Variants in GRAMD2B observed in about 807,000 individuals in gnomAD.
GRAMD2B encodes the protein GRAM domain-containing protein 2B.
GRAMD2B carries 41 observed loss-of-function variants against 59.2 expected under a neutral mutation model. The ratio of observed to expected loss-of-function variants is 0.69; its 90% CI spans 0.54 to 0.90. The LOEUF is 0.90. Among genes scored for constraint, GRAMD2B ranks in the 40% least tolerant of loss-of-function variants. The pLI, the probability that GRAMD2B is intolerant of heterozygous loss-of-function variation, is 0.00. For synonymous variants in GRAMD2B, 161 were observed against 182.7 expected, an observed-to-expected ratio of 0.88 and a Z score of 0.96; for missense variants, 424 against 500.5, an observed-to-expected ratio of 0.85 and a Z score of 1.46.
upstream of GRAMD2B, among the ~76,000 whole-genome samples, chr5:126,370,192 A>G (rs1038991902): frequency 1.3e-5 from 2 of 152,220 alleles, no homozygotes; most frequent in Non-Finnish European, 2.9e-5. Context: ...CAGCAGGAAA[A>G]TATTGTCCAA....
At chr5:126,418,844 T>G (rs895038617), upstream of GRAMD2B, among the ~76,000 whole-genome samples, 2 of 152,246 alleles carry the variant, frequency 1.3e-5, no homozygotes, top group African/African-American at 4.8e-5. Flanking sequence ...CCCTTTTTCC[T>G]ATTTTCTTCT....
At chr5:126,392,732 C>T (rs775305234) in intron 1 of GRAMD2B, among the ~76,000 whole-genome samples, 5 of 151,602 alleles carry the variant, frequency 3.3e-5, no homozygotes, top group Admixed American at 6.6e-5. Context: ...GCAGGGGGTG[C>T]GGGATGGGAA....
At position 126,493,236 on chromosome 5, in the gene GRAMD2B, A is replaced by C. The variant is rs1774243687; in HGVS notation, c.*280A>C. Reference sequence around the variant, plus strand: ...AGGTCTCAGGAAGGGCCCAGCGAACACACTCTCTTGGATAATTACCACGAT... The same window carrying C: ...AGGTCTCAGGAAGGGCCCAGCGAACCCACTCTCTTGGATAATTACCACGAT... On this transcript the variant is annotated 3_prime_UTR_variant, in exon 14 of 14. Coordinates refer to ENST00000285689, the MANE Select transcript of GRAMD2B (RefSeq NM_023927.4). 2.3e-6 allele frequency: 1 copy of C among 443,014 alleles called. No individual in the cohort carries two copies. The highest frequency in any genetic ancestry group is 3.0e-5 in the South Asian group (1 of 33,612). 27.4% of individuals were successfully genotyped at this position (443,014 alleles called of 1,614,324 possible).
intron 1 of GRAMD2B, among the ~76,000 whole-genome samples, chr5:126,406,905 A>C (rs1161017234): frequency 6.6e-6 from 1 of 152,028 alleles, no homozygotes; most frequent in African/African-American, 2.4e-5. Context: ...GTTTGAATAC[A>C]AATTCTGTTT....
At chr5:126,419,254 C>T (rs1759508342), upstream of GRAMD2B, among the ~76,000 whole-genome samples, 1 of 151,948 alleles carries the variant, frequency 6.6e-6, no homozygotes, top group Non-Finnish European at 1.5e-5. Flanking sequence ...AGGAAACTTA[C>T]AATCATAGTG....
intron 1 of GRAMD2B, among the ~76,000 whole-genome samples, chr5:126,415,756 T>C (rs1759214997): frequency 1.3e-5 from 2 of 152,070 alleles, no homozygotes; most frequent in East Asian, 1.9e-4. Context: ...AAATGAATAA[T>C]GCTACATAGA....
At chr5:126,384,555 T>C (rs897670012) in intron 1 of GRAMD2B, among the ~76,000 whole-genome samples, 1 of 152,206 alleles carries the variant, frequency 6.6e-6, no homozygotes, top group Non-Finnish European at 1.5e-5. Flanking sequence ...ATGCTCCTGT[T>C]TGGAGGGAAA....
intron 1 of GRAMD2B, chr5:126,462,423 C>G (rs1255976054): frequency 6.1e-6 from 6 of 985,236 alleles, no homozygotes; most frequent in Middle Eastern, 1.0e-3. Flanking sequence ...TTTCAGTCTG[C>G]TGCTGACAAG....
intron 4 of GRAMD2B, 116 bp downstream of exon 4, chr5:126,472,420 G>A: frequency 4.2e-6 from 3 of 722,768 alleles, no homozygotes; most frequent in Non-Finnish European, 7.3e-6. Context: ...TCAGGTTTCT[G>A]AAAGTAATAA....
At chr5:126,418,809 T>C (rs929313496), upstream of GRAMD2B, among the ~76,000 whole-genome samples, 1 of 152,240 alleles carries the variant, frequency 6.6e-6, no homozygotes, top group Non-Finnish European at 1.5e-5. Flanking sequence ...TAATTGTCAC[T>C]GTGTGTTTCT....
intron 1 of GRAMD2B, among the ~76,000 whole-genome samples, chr5:126,437,806 C>T (rs1254929408): frequency 6.6e-6 from 1 of 152,192 alleles, no homozygotes; most frequent in Non-Finnish European, 1.5e-5. Context: ...ATAGAGAAAT[C>T]ACCAGAGAAC....
chr5:126,422,899 C>T (rs993148601), upstream of GRAMD2B, among the ~76,000 whole-genome samples: 10 of 150,452 alleles, frequency 6.6e-5, no homozygotes, highest in Non-Finnish European at 1.2e-4. Context: ...GTTGCTTCTT[C>T]TTTGCCCCTC....
intron 1 of GRAMD2B, among the ~76,000 whole-genome samples, chr5:126,376,984 G>A (rs1431445216): frequency 1.3e-5 from 2 of 151,774 alleles, no homozygotes; most frequent in African/African-American, 4.8e-5. Flanking sequence ...GGCTCTCTTA[G>A]GAGAGTTAGA....
At position 126,483,358 on chromosome 5, in the gene GRAMD2B, CTA is replaced by C. The variant is rs1186071094; in HGVS notation, c.736-103_736-102del. ...GTATGGAGTAATCCTTCCTTCTATT[CTA>C]TGTTTTATAGGTCAGGCCTAGGTGA... is the stretch of plus-strand genomic sequence containing the variant. On this transcript the variant is annotated intron_variant, in intron 8 of 13. Coordinates refer to ENST00000285689, the MANE Select transcript of GRAMD2B (RefSeq NM_023927.4). The C allele has an allele frequency of 1.0e-5, 6 of 583,046 alleles. No individual in the cohort carries two copies. In the African/African-American group the frequency reaches 1.2e-4, roughly 11 times the overall value. 36.1% of individuals were successfully genotyped at this position (583,046 alleles called of 1,614,324 possible).
chr5:126,371,308 G>A (rs781529158), upstream of GRAMD2B: 69 of 1,131,846 alleles, frequency 6.1e-5, no homozygotes, highest in Non-Finnish European at 7.4e-5. Flanking sequence ...CAGCTAGATT[G>A]AGTCACATGA....
upstream of GRAMD2B, chr5:126,423,333 G>C: frequency 3.1e-6 from 4 of 1,302,214 alleles, no homozygotes; most frequent in Non-Finnish European, 3.9e-6. Context: ...TGCCTCCTGG[G>C]TTGGGGAAAG....
At chr5:126,460,785 AG>A (rs1416243036) in intron 1 of GRAMD2B, among the ~76,000 whole-genome samples, 1 of 152,212 alleles carries the variant, frequency 6.6e-6, no homozygotes, top group African/African-American at 2.4e-5. Context: ...CTACAGTTTC[AG>A]GAACACTCTA....
rs75766104 is a variant in GRAMD2B at position 126,461,972 on chromosome 5, C to T, written c.84-3454C>T. On this transcript the variant is annotated intron_variant, in intron 1 of 13. Transcript: ENST00000285689. ...GGAGATGGGAGGAGAAATAACCTGC[C>T]AAGGCCAAGTAAAGGTTGGTCCTGT... is the stretch of plus-strand genomic sequence containing the variant. Among the ~76,000 whole-genome samples the T allele has an allele frequency of 3.3e-5, 5 of 152,288 alleles. No individual in the cohort carries two copies. The East Asian group carries it at 9.7e-4, about 29-fold the overall frequency.
At chr5:126,376,614 C>A (rs1755210809) in intron 1 of GRAMD2B, among the ~76,000 whole-genome samples, 1 of 152,168 alleles carries the variant, frequency 6.6e-6, no homozygotes, top group Non-Finnish European at 1.5e-5. Flanking sequence ...TGCCATGACC[C>A]ATTTTCACTA....
Sources: gnomAD v4.1 joint callset for allele counts (sites outside exome capture counted in the v4.1 genomes callset) on GRCh38, gnomAD v4.1.1 for gene constraint, MANE v1.5 for transcripts, NCBI Gene and HGNC (gene_info 2026-07-23, HGNC 2026-07-21) for gene names.